The following OR56A3 variants were observed in gnomAD, a reference collection of about 807,000 sequenced individuals.
OR56A3 encodes olfactory receptor family 56 subfamily A member 3.
A neutral mutation model predicts 17.5 loss-of-function variants in OR56A3; 23 were observed. That is an observed-to-expected ratio of 1.32 (90% CI 0.95 to 1.87). The LOEUF (loss-of-function observed/expected upper bound fraction) is 1.87. OR56A3 is among the 40% of genes most tolerant of loss of function. OR56A3 has a pLI of 0.00. For missense variants in OR56A3, 366 were observed against 380.1 expected (o/e 0.96, Z 0.31); for synonymous variants, 175 against 150.6 (o/e 1.16, Z -1.19).
intron 2 of OR56A3, among the ~76,000 whole-genome samples, chr11:5,946,171 C>A (rs2134361732): frequency 6.6e-6 from 1 of 152,268 alleles, no homozygotes; most frequent in East Asian, 1.9e-4. Context: ...ATGTGGGTAC[C>A]ACATCACCCT....
the OR56A3 span, chr11:5,994,584 C>T: frequency 1.2e-6 from 1 of 855,120 alleles, no homozygotes; most frequent in Non-Finnish European, 2.0e-6. Flanking sequence ...AGCCGAGTGA[C>T]ATTGGTGTCA....
chr11:5,982,573 G>A, the OR56A3 span, among the ~76,000 whole-genome samples: 1 of 152,264 alleles, frequency 6.6e-6, no homozygotes, highest in East Asian at 1.9e-4. Context: ...AGACTTGCCT[G>A]GTCGCACAGG....
chr11:5,961,102 G>A, the OR56A3 span, among the ~76,000 whole-genome samples: 258 of 149,194 alleles, frequency 1.7e-3, 1 homozygote, highest in Non-Finnish European at 2.9e-3. Context: ...GGGGCAGCCC[G>A]CGCCCGGCCA....
At chr11:5,989,364 A>C in the OR56A3 span, among the ~76,000 whole-genome samples, 1 of 152,228 alleles carries the variant, frequency 6.6e-6, no homozygotes, top group Non-Finnish European at 1.5e-5. Flanking sequence ...AGTGAGGCTA[A>C]AACCAAACTA....
chr11:5,963,861 C>G, the OR56A3 span, among the ~76,000 whole-genome samples: 1 of 152,104 alleles, frequency 6.6e-6, no homozygotes, highest in Admixed American at 6.5e-5. Context: ...TTGATGCTAT[C>G]CCATAAACCC....
chr11:5,993,991 C>T, the OR56A3 span: 723 of 451,104 alleles, frequency 1.6e-3, 7 homozygotes, highest in African/African-American at 0.013. Flanking sequence ...AAGGCAACAA[C>T]CAAGATTGAA....
the OR56A3 span, chr11:6,002,917 A>T: frequency 6.2e-7 from 1 of 1,613,900 alleles, no homozygotes; most frequent in African/African-American, 1.3e-5. Flanking sequence ...CAGTGCTGCC[A>T]GCTCTGGAAG....
At chr11:5,960,451 G>A in the OR56A3 span, among the ~76,000 whole-genome samples, 4 of 152,220 alleles carry the variant, frequency 2.6e-5, no homozygotes, top group Non-Finnish European at 4.4e-5. Context: ...GGTGGAGACC[G>A]GGTTTCGCCC....
At chr11:5,984,305 A>G in the OR56A3 span, among the ~76,000 whole-genome samples, 1 of 152,244 alleles carries the variant, frequency 6.6e-6, no homozygotes, top group Non-Finnish European at 1.5e-5. Flanking sequence ...TGAAAAACGT[A>G]TACTTTTTAG....
chr11:5,960,875 G>A, the OR56A3 span, among the ~76,000 whole-genome samples: 9 of 150,598 alleles, frequency 6.0e-5, no homozygotes, highest in African/African-American at 1.7e-4. Flanking sequence ...CTGCCTCGCC[G>A]CCCCGTCTGA....
At chr11:5,976,705 C>T in the OR56A3 span, among the ~76,000 whole-genome samples, 3 of 151,922 alleles carry the variant, frequency 2.0e-5, no homozygotes, top group South Asian at 2.1e-4. Flanking sequence ...ATTGACTCTT[C>T]GCTTGTCTTT....
the OR56A3 span, among the ~76,000 whole-genome samples, chr11:6,009,038 C>G: frequency 6.6e-6 from 1 of 152,134 alleles, no homozygotes; most frequent in Non-Finnish European, 1.5e-5. Flanking sequence ...AATTGTACCC[C>G]TAATGAAGAT....
chr11:5,986,597 A>C, the OR56A3 span: 1 of 1,613,964 alleles, frequency 6.2e-7, no homozygotes, highest in Non-Finnish European at 8.5e-7. Context: ...CAGACGATGT[A>C]CCCAATCTCG....
the OR56A3 span, among the ~76,000 whole-genome samples, chr11:5,991,012 T>G: frequency 1.3e-5 from 2 of 152,332 alleles, no homozygotes; most frequent in South Asian, 2.1e-4. Context: ...ATCTCCATGA[T>G]GAAATTCTGC....
the OR56A3 span, chr11:5,967,980 C>T: frequency 1.3e-6 from 2 of 1,590,384 alleles, no homozygotes; most frequent in Non-Finnish European, 1.7e-6. Context: ...GTGTCCTGCA[C>T]AGTATCTGAG....
At chr11:5,998,109 T>C in the OR56A3 span, among the ~76,000 whole-genome samples, 3 of 152,160 alleles carry the variant, frequency 2.0e-5, no homozygotes, top group Non-Finnish European at 4.4e-5. Flanking sequence ...AAGAATGAGA[T>C]GGTGGGATGA....
the OR56A3 span, chr11:5,994,744 G>T: frequency 1.3e-6 from 1 of 790,632 alleles, no homozygotes. Flanking sequence ...TATTTGCGAA[G>T]ATCTGAGCCC....
chr11:5,963,561 T>A, the OR56A3 span, among the ~76,000 whole-genome samples: 1 of 152,178 alleles, frequency 6.6e-6, no homozygotes, highest in East Asian at 1.9e-4. Flanking sequence ...TGAGAAGACT[T>A]GCTAGACATA....
chr11:5,964,737 G>T, the OR56A3 span, among the ~76,000 whole-genome samples: 3 of 152,232 alleles, frequency 2.0e-5, no homozygotes, highest in East Asian at 5.8e-4. Flanking sequence ...CACTGAGGCA[G>T]ACCTAGAGGT....
Sources: gnomAD v4.1 joint callset for allele counts (sites outside exome capture counted in the v4.1 genomes callset) on GRCh38, gnomAD v4.1.1 for gene constraint, MANE v1.5 for transcripts, NCBI Gene and HGNC (gene_info 2026-07-23, HGNC 2026-07-21) for gene names.